Variants in PLOD1 observed in about 807,000 individuals in gnomAD.
PLOD1 encodes lysine hydroxylase.
A neutral mutation model predicts 94.7 loss-of-function variants in PLOD1; 70 were observed. The ratio of observed to expected loss-of-function variants is 0.74; its 90% CI spans 0.61 to 0.90. The LOEUF (loss-of-function observed/expected upper bound fraction) is 0.90, where lower values mean the gene tolerates loss of function less well. Ranked by LOEUF, PLOD1 falls within the 40% of genes least tolerant of loss-of-function variation. The pLI, the probability that PLOD1 is intolerant of heterozygous loss-of-function variation, is 0.00. For synonymous variants in PLOD1, 417 were observed against 400.2 expected (o/e 1.04, Z -0.50); for missense variants, 905 against 972.7 (o/e 0.93, Z 0.93).
Position 11,956,938 on chromosome 1 carries a change from A to C in PLOD1, c.665A>C (p.Glu222Ala). 1 of 1,613,370 alleles carries C rather than the reference A, an allele frequency of 6.2e-7. No individual in the cohort carries two copies. The highest frequency in any genetic ancestry group is 8.5e-7 in the Non-Finnish European group (1 of 1,179,516). ...GALDEVVLKFEMGHVRARNLA... is the reference protein window; with the variant it reads ...GALDEVVLKFAMGHVRARNLA... ...CCAGATGAGGTCGTGCTCAAGTTTG[A>C]AATGGGCCATGTGAGAGCGAGGAAC... The change falls in exon 7 of 19, where the codon GAA becomes GCA. Residue 222 changes from glutamate (E) to alanine (A), a missense_variant. Transcript: ENST00000196061.
rs1645894216 is a variant in PLOD1 at position 11,975,000 on chromosome 1, T to C, written c.*192T>C. 2 of 673,754 alleles carry C rather than the reference T, an allele frequency of 3.0e-6. No homozygotes were observed. The allele number at this position is 673,754 out of a possible 1,614,324, so 41.7% of individuals were successfully genotyped here. A position where few individuals can be genotyped will look rare whatever the true frequency, so the allele number is the denominator to read the frequency against. On this transcript the variant is annotated 3_prime_UTR_variant, in exon 19 of 19. Transcript: ENST00000196061. ...CAGAGGCGGAACACACCTTTATGGCTGGGGCTCTCCGTGGTGTTCTGGACC... is the reference window on the plus strand; with the variant it reads ...CAGAGGCGGAACACACCTTTATGGCCGGGGCTCTCCGTGGTGTTCTGGACC...
intron 11 of PLOD1, 61 bp from the exon 12 acceptor site, chr1:11,964,114 T>C (rs2100757616): frequency 1.3e-6 from 2 of 1,555,104 alleles, no homozygotes; most frequent in African/African-American, 1.4e-5. Flanking sequence ...CATCCCTGGT[T>C]AGTGCTGTCT....
At chr1:11,934,960 G>A in intron 1 of PLOD1, 105 bp downstream of exon 1, 1 of 1,368,456 alleles carries the variant, frequency 7.3e-7, no homozygotes, top group Admixed American at 2.4e-5. Flanking sequence ...GGCTGGAGAG[G>A]GAGTCTGGGT....
At chr1:11,943,768 C>G (rs1645630807) in intron 1 of PLOD1, among the ~76,000 whole-genome samples, 1 of 152,202 alleles carries the variant, frequency 6.6e-6, no homozygotes, top group Admixed American at 6.5e-5. Flanking sequence ...GGCCTGGCCA[C>G]CGTCCCTGGC....
In PLOD1 at chr1:11,954,480, C is replaced by T. The variant is rs143985502; in HGVS notation, c.580-350C>T. On this transcript the variant is annotated intron_variant, in intron 5 of 18. Coordinates refer to ENST00000196061, the MANE Select transcript of PLOD1 (RefSeq NM_000302.4). ...CAGCCTGGGTGACAAGAGCGAAACT[C>T]TTTCTCAAAAAAAAGAATATTTGGA... 949 of 539,074 alleles carry T rather than the reference C, an allele frequency of 1.8e-3. 6 individuals are homozygous for T. The highest frequency in any genetic ancestry group is 0.014 in the African/African-American group (759 of 52,888). 33.4% of individuals were successfully genotyped at this position (539,074 alleles called of 1,614,324 possible).
intron 14 of PLOD1, 137 bp downstream of exon 14, chr1:11,965,730 G>A (rs370843662): frequency 1.6e-6 from 1 of 636,216 alleles, no homozygotes; most frequent in Admixed American, 2.5e-5. Context: ...CACCCCAGGA[G>A]GCTATAGGGC....
Position 11,949,774 on chromosome 1 carries a change from C to A in PLOD1, c.170C>A (p.Ala57Glu), listed in dbSNP as rs753862253. ...GTGTTAAGGGGTGTTTCTCTCCAGG[C>A]GCTTGGCCTAGGGGAGGACTGGAAT... ...SAQFFNYKIQALGLGEDWNVE... is the reference protein window; with the variant it reads ...SAQFFNYKIQELGLGEDWNVE... The change falls in exon 3 of 19, where the codon GCG becomes GAG. Residue 57 changes from alanine to glutamate, a missense_variant and splice_region_variant. By Grantham distance (107) the Ala-to-Glu change is moderately radical. Coordinates refer to ENST00000196061, the MANE Select transcript of PLOD1 (RefSeq NM_000302.4). 6.2e-7 allele frequency: 1 copy of A among 1,613,766 alleles called. No individual in the cohort carries two copies. Among genetic ancestry groups the A allele is most frequent in the Non-Finnish European group, 8.5e-7 (1 of 1,179,910 alleles).
chr1:11,972,646 T>C lies in PLOD1; in HGVS notation c.1903-226T>C. 1 of 498,306 alleles carries C rather than the reference T, an allele frequency of 2.0e-6. No individual in the cohort carries two copies. Among genetic ancestry groups the C allele is most frequent in the Non-Finnish European group, 3.7e-6 (1 of 269,926 alleles). The allele number at this position is 498,306 out of a possible 1,614,324, so 30.9% of individuals were successfully genotyped here. On this transcript the variant is annotated intron_variant, in intron 17 of 18. Transcript: ENST00000196061. This position sits in a 1 kb window ranked among gnomAD's most constrained non-coding sequence, Gnocchi z 4.6. ...CCCTTCCTTTCTTCCTTCCCCTCTG[T>C]TCTCTTCCTTCCCTCCCTCTCTCCC...
chr1:11,974,804 C>T lies in PLOD1; in HGVS notation c.2180C>T (p.Pro727Leu). 1 of 1,614,110 alleles carries T rather than the reference C, an allele frequency of 6.2e-7. No individual in the cohort carries two copies. The highest frequency in any genetic ancestry group is 1.1e-5 in the South Asian group (1 of 91,084). The change falls in exon 19 of 19, where the codon CCC becomes CTC. Residue 727 changes from proline to leucine, a missense_variant. Pro to Leu is a moderately conservative substitution (Grantham distance 98). Coordinates refer to ENST00000196061, the MANE Select transcript of PLOD1 (RefSeq NM_000302.4). The part of the protein sequence containing the change: ...TRYIAVSFVD[P>L] ...TACATCGCAGTCTCCTTCGTCGATC[C>T]CTAATTGGCCAGGCCTGACCCTCTT... is the stretch of plus-strand genomic sequence containing the variant.
chr1:11,958,691 C>T lies in PLOD1; in HGVS notation c.975+44C>T, dbSNP rs780285500. 49 of 1,611,992 alleles carry T rather than the reference C, an allele frequency of 3.0e-5. No homozygotes were observed. Among genetic ancestry groups the T allele is most frequent in the South Asian group, 3.0e-4 (27 of 91,024 alleles). ...GTGGGGTCGTCATGTGGCTTAGATCCAGGGCCCAGCTTCACAAGGTAGCCC... is the reference window on the plus strand; with the variant it reads ...GTGGGGTCGTCATGTGGCTTAGATCTAGGGCCCAGCTTCACAAGGTAGCCC... On this transcript the variant is annotated intron_variant, in intron 9 of 18. Transcript: ENST00000196061. The surrounding 1 kb of genome is among the most constrained non-coding windows in gnomAD (Gnocchi z 4.3).
At position 11,958,715 on chromosome 1, in the gene PLOD1, C is replaced by T. The variant is rs1173914672; in HGVS notation, c.975+68C>T. The T allele has an allele frequency of 6.3e-7, 1 of 1,588,702 alleles. No homozygotes were observed. Among genetic ancestry groups the T allele is most frequent in the Non-Finnish European group, 8.6e-7 (1 of 1,160,504 alleles). On this transcript the variant is annotated intron_variant, in intron 9 of 18. Transcript: ENST00000196061. This position sits in a 1 kb window ranked among gnomAD's most constrained non-coding sequence, Gnocchi z 4.3. ...CCAGGGCCCAGCTTCACAAGGTAGC[C>T]CGAGACCTCTGAGGGTCTCACCGAA...
chr1:11,939,344 G>A (rs1308930831), intron 1 of PLOD1, among the ~76,000 whole-genome samples: 3 of 152,132 alleles, frequency 2.0e-5, no homozygotes, highest in Non-Finnish European at 4.4e-5. Context: ...TCAAGCCTGG[G>A]GTGGGGATGA....
At position 11,956,833 on chromosome 1, in the gene PLOD1, G is replaced by C. The variant is rs530177920; in HGVS notation, c.644-84G>C. On this transcript the variant is annotated intron_variant, in intron 6 of 18. Transcript: ENST00000196061. ...GAGGACATAATCTACTCACTGCACA[G>C]CTGGGATTTGAGCCCAGCTGGTTGG... 71 of 853,238 alleles carry C rather than the reference G, an allele frequency of 8.3e-5. 1 individual carries two copies. The South Asian group carries it at 9.4e-4, about 11-fold the overall frequency. 52.9% of individuals were successfully genotyped at this position (853,238 alleles called of 1,614,324 possible). A position where few individuals can be genotyped will look rare whatever the true frequency, so the allele number is the denominator to read the frequency against.
chr1:11,951,812 G>A (rs1020029521), intron 4 of PLOD1, among the ~76,000 whole-genome samples: 7 of 151,642 alleles, frequency 4.6e-5, no homozygotes, highest in South Asian at 2.1e-4. Context: ...CCAGCTACTC[G>A]GGAGGCTGAG....
chr1:11,954,624 C>G (rs1195204239), intron 5 of PLOD1: 3 of 768,740 alleles, frequency 3.9e-6, no homozygotes, highest in Admixed American at 3.4e-5. Flanking sequence ...CCCTGGTTTT[C>G]TGTGAGTAGA....
At chr1:11,951,778 G>C (rs1021846716) in intron 4 of PLOD1, among the ~76,000 whole-genome samples, 1 of 151,422 alleles carries the variant, frequency 6.6e-6, no homozygotes, top group Non-Finnish European at 1.5e-5. Context: ...AATTAGCCAG[G>C]TGTGGTGGCA....
rs1432546738 is a variant in PLOD1, at chr1:11,958,499, C to T, written c.844-17C>T. On this transcript the variant is annotated splice_polypyrimidine_tract_variant and intron_variant, in intron 8 of 18. Coordinates refer to ENST00000196061, the MANE Select transcript of PLOD1 (RefSeq NM_000302.4). The surrounding 1 kb of genome is among the most constrained non-coding windows in gnomAD (Gnocchi z 4.3). Reference sequence around the variant, plus strand: ...ACTGGACACTGCTGGACTCTTGTGCCGCCCTCCCTGGTGCAGGATGAAGCT... The same window carrying T: ...ACTGGACACTGCTGGACTCTTGTGCTGCCCTCCCTGGTGCAGGATGAAGCT... The T allele has an allele frequency of 8.7e-6, 14 of 1,612,986 alleles. No homozygotes were observed. The highest frequency in any genetic ancestry group is 2.7e-5 in the African/African-American group (2 of 75,018).
intron 6 of PLOD1, among the ~76,000 whole-genome samples, chr1:11,956,604 G>A (rs1223340299): frequency 6.6e-6 from 1 of 152,034 alleles, no homozygotes; most frequent in African/African-American, 2.4e-5. Flanking sequence ...GATGTTCCAG[G>A]TCTTCGTTCT....
intron 10 of PLOD1, 122 bp downstream of exon 10, chr1:11,960,889 GC>G (rs2100754468): frequency 7.0e-7 from 1 of 1,432,870 alleles, no homozygotes; most frequent in East Asian, 2.4e-5. Context: ...GCAAGTTCCT[GC>G]CCCTTTCTGG....
Sources: allele counts gnomAD v4.1 joint callset (sites outside exome capture counted in the v4.1 genomes callset), GRCh38; gene constraint gnomAD v4.1.1; non-coding constraint Gnocchi (gnomAD v3.1); transcripts MANE v1.5; gene names NCBI Gene and HGNC (gene_info 2026-07-23, HGNC 2026-07-21).